RNGTT: variants seen among roughly 807,000 people sequenced by gnomAD.
RNGTT encodes mRNA-capping enzyme.
In RNGTT, 33 loss-of-function variants were observed where a neutral mutation model predicts 79.3. That is an observed-to-expected ratio of 0.42 (90% confidence interval 0.32 to 0.56). RNGTT has a LOEUF of 0.56. Among genes scored for constraint, RNGTT ranks in the 20% least tolerant of loss-of-function variants. The pLI, the probability that RNGTT is intolerant of heterozygous loss-of-function variation, is 0.17. For missense variants in RNGTT, 497 were observed against 739.1 expected (o/e 0.67, Z 3.80); for synonymous variants, 222 against 235.9 (o/e 0.94, Z 0.54).
intron 14 of RNGTT, among the ~76,000 whole-genome samples, chr6:88,628,610 A>G (rs1015832942): frequency 6.6e-5 from 10 of 152,180 alleles, no homozygotes; most frequent in Non-Finnish European, 1.2e-4. Flanking sequence ...TTTTTCCTTC[A>G]TAGGGAAAGG....
chr6:88,640,984 GAA>G (rs1025048108), intron 14 of RNGTT, among the ~76,000 whole-genome samples: 1 of 152,072 alleles, frequency 6.6e-6, no homozygotes, highest in Non-Finnish European at 1.5e-5. Context: ...AGACTCCCTA[GAA>G]TCTGCCATTA....
At chr6:88,624,629 A>C (rs945593260) in intron 14 of RNGTT, among the ~76,000 whole-genome samples, 2 of 151,944 alleles carry the variant, frequency 1.3e-5, no homozygotes, top group African/African-American at 4.8e-5. Context: ...AAAACTTCTA[A>C]AAGAAAACAT....
intron 13 of RNGTT, among the ~76,000 whole-genome samples, chr6:88,712,973 T>A (rs1161847076): frequency 1.3e-5 from 2 of 152,202 alleles, no homozygotes; most frequent in African/African-American, 4.8e-5. Context: ...GAATAAGAGA[T>A]GAATCTAGAA....
intron 13 of RNGTT, among the ~76,000 whole-genome samples, chr6:88,739,726 TATATATATA>T (rs1328787254): frequency 1.0e-3 from 2 of 1,916 alleles, no homozygotes; most frequent in Non-Finnish European, 2.4e-3. Flanking sequence ...TGAAAAAAAT[TATATATATA>T]TATATATATA....
chr6:88,715,986 A>C (rs1776496653), intron 13 of RNGTT, among the ~76,000 whole-genome samples: 1 of 152,072 alleles, frequency 6.6e-6, no homozygotes, highest in South Asian at 2.1e-4. Flanking sequence ...TAAACTAAAG[A>C]GCTTCTGCAC....
intron 1 of RNGTT, among the ~76,000 whole-genome samples, chr6:88,959,808 T>C (rs1785555494): frequency 6.6e-6 from 1 of 152,188 alleles, no homozygotes; most frequent in African/African-American, 2.4e-5. Context: ...AATATTAGGA[T>C]ACCTTATCAC....
chr6:88,827,141 C>T (rs964961985), intron 11 of RNGTT, among the ~76,000 whole-genome samples: 2 of 151,900 alleles, frequency 1.3e-5, no homozygotes, highest in African/African-American at 2.4e-5. Context: ...CAGCTCCCAG[C>T]GAGATCAATG....
At chr6:88,887,418 G>C (rs188589406) in intron 8 of RNGTT, among the ~76,000 whole-genome samples, 34 of 152,178 alleles carry the variant, frequency 2.2e-4, no homozygotes, top group Admixed American at 2.0e-3. Flanking sequence ...CCTCTTCCAT[G>C]CTACTGTACT....
At chr6:88,832,295 C>T (rs1210854591) in intron 11 of RNGTT, among the ~76,000 whole-genome samples, 2 of 152,190 alleles carry the variant, frequency 1.3e-5, no homozygotes, top group African/African-American at 4.8e-5. Context: ...CACACATCTA[C>T]AACCATCTGA....
intron 6 of RNGTT, among the ~76,000 whole-genome samples, chr6:88,894,102 G>A (rs1015362255): frequency 1.4e-4 from 21 of 152,162 alleles, no homozygotes; most frequent in East Asian, 1.9e-4. Flanking sequence ...TTCTAAATGT[G>A]CAAAAGGTCT....
chr6:88,873,147 G>A (rs1184537147), intron 8 of RNGTT, among the ~76,000 whole-genome samples: 2 of 151,976 alleles, frequency 1.3e-5, no homozygotes, highest in Admixed American at 1.3e-4. Context: ...AAGCACAACT[G>A]CTTATCATAA....
intron 13 of RNGTT, among the ~76,000 whole-genome samples, chr6:88,700,992 T>A (rs1295551786): frequency 6.6e-6 from 1 of 152,116 alleles, no homozygotes; most frequent in African/African-American, 2.4e-5. Flanking sequence ...AGTTCATGGT[T>A]AATGACAAAC....
chr6:88,783,341 C>A (rs568590547), intron 12 of RNGTT, among the ~76,000 whole-genome samples: 1 of 152,112 alleles, frequency 6.6e-6, no homozygotes, highest in African/African-American at 2.4e-5. Context: ...CTCAATTAGT[C>A]AAACTCATAG....
At position 88,789,412 on chromosome 6, in the gene RNGTT, T is replaced by G. The variant is rs9451088; in HGVS notation, c.1338+12152A>C. 9.8e-3 allele frequency among the ~76,000 whole-genome samples: 1,485 copies of G among 152,172 alleles called. 16 individuals are homozygous for G. The highest frequency in any genetic ancestry group is 0.034 in the African/African-American group (1,393 of 41,508). On this transcript the variant is annotated intron_variant, in intron 12 of 15. Transcript: ENST00000369485. ...CCGTATCTACTAAAACTACAAAAAT[T>G]AGCTGGGCATGGTGGGGTGTGCCTG...
At chr6:88,704,259 C>CAAAAAAAAAA (rs35623392) in intron 13 of RNGTT, among the ~76,000 whole-genome samples, 36 of 48,720 alleles carry the variant, frequency 7.4e-4, no homozygotes, top group African/African-American at 2.3e-3. Flanking sequence ...GACTCTGTCT[C>CAAAAAAAAAA]AAAAAAAAAA....
chr6:88,801,509 TAC>T (rs1180897424), intron 12 of RNGTT, 53 bp downstream of exon 12: 1,059 of 1,355,464 alleles, frequency 7.8e-4, no homozygotes, highest in Non-Finnish European at 9.2e-4. Context: ...TATATCTGTG[TAC>T]ACACACACAC....
At chr6:88,664,967 C>T (rs1047286618) in intron 14 of RNGTT, among the ~76,000 whole-genome samples, 1 of 152,156 alleles carries the variant, frequency 6.6e-6, no homozygotes, top group African/African-American at 2.4e-5. Flanking sequence ...TTTCTGTTTG[C>T]CCCGGACCTG....
chr6:88,860,183 G>A (rs540430361), intron 8 of RNGTT, among the ~76,000 whole-genome samples: 1 of 152,308 alleles, frequency 6.6e-6, no homozygotes, highest in South Asian at 2.1e-4. Context: ...TATTCAAGTT[G>A]CAGACTGACA....
intron 13 of RNGTT, among the ~76,000 whole-genome samples, chr6:88,735,502 A>T (rs139518994): frequency 1.2e-3 from 186 of 152,030 alleles, no homozygotes; most frequent in Middle Eastern, 6.8e-3. Context: ...TCAGTAACAG[A>T]AAGACGCTGG....
Sources: allele counts gnomAD v4.1 joint callset (sites outside exome capture counted in the v4.1 genomes callset), GRCh38; gene constraint gnomAD v4.1.1; transcripts MANE v1.5; gene names NCBI Gene and HGNC (gene_info 2026-07-23, HGNC 2026-07-21).